Variants in RUNX1T1 observed in about 807,000 individuals in gnomAD.
RUNX1T1 encodes the protein RUNX1 partner transcriptional co-repressor 1.
RUNX1T1 carries 4 observed loss-of-function variants against 62.8 expected under a neutral mutation model. That is an observed-to-expected ratio of 0.06 (90% CI 0.03 to 0.15). The LOEUF is 0.15. RUNX1T1 is among the 10% of genes least tolerant of loss of function. The pLI is 1.00. For missense variants in RUNX1T1, 508 were observed against 754.3 expected (o/e 0.67, Z 3.82); for synonymous variants, 291 against 286.0 (o/e 1.02, Z -0.18).
chr8:91,997,884 T>A (rs1442506460), intron 5 of RUNX1T1, among the ~76,000 whole-genome samples: 1 of 152,226 alleles, frequency 6.6e-6, no homozygotes, highest in African/African-American at 2.4e-5. Flanking sequence ...AGACCAGGCA[T>A]TGAAGACTTA....
At chr8:92,040,202 C>T (rs1828184955) in intron 1 of RUNX1T1, among the ~76,000 whole-genome samples, 2 of 152,190 alleles carry the variant, frequency 1.3e-5, no homozygotes, top group Admixed American at 1.3e-4. Context: ...TGCCACCTCT[C>T]CCATGAAGGC....
intron 1 of RUNX1T1, among the ~76,000 whole-genome samples, chr8:92,025,313 TAG>T (rs1423787946): frequency 6.6e-6 from 1 of 152,208 alleles, no homozygotes; most frequent in Non-Finnish European, 1.5e-5. Context: ...TAACAGGACA[TAG>T]AAAGACCTTT....
rs1813809289 is a variant in RUNX1T1 at position 91,975,839 on chromosome 8, A to G, written c.1267+66T>C. 5.7e-6 allele frequency: 6 copies of G among 1,044,088 alleles called. 1 individual carries two copies. The South Asian group carries it at 7.7e-5, about 13-fold the overall frequency. 64.7% of individuals were successfully genotyped at this position (1,044,088 alleles called of 1,614,324 possible). On this transcript the variant is annotated intron_variant, in intron 9 of 10. Coordinates refer to ENST00000396218, the Ensembl canonical transcript of RUNX1T1. ...AAAGTCCTTTCTTGTCATTCCTCAC[A>G]TCACTACATTAACAACTGCACACAG...
chr8:92,006,226 C>T (rs1232958960), intron 4 of RUNX1T1: 6 of 152,142 alleles, frequency 3.9e-5, no homozygotes, highest in Non-Finnish European at 8.8e-5. Context: ...CTTACTTTGA[C>T]ATTATAAATC....
At chr8:92,100,052 G>T (rs570912010), upstream of RUNX1T1, among the ~76,000 whole-genome samples, 5 of 152,124 alleles carry the variant, frequency 3.3e-5, no homozygotes, top group African/African-American at 7.2e-5. Context: ...AAAGAAAATT[G>T]TGCAAATATT....
exon 1 of RUNX1T1, chr8:92,062,617 T>C (rs1290136708): frequency 3.7e-6 from 6 of 1,614,054 alleles, no homozygotes; most frequent in Middle Eastern, 1.6e-4. Flanking sequence ...TCCGGGCTCA[T>C]GCCTCCTGTT....
chr8:92,005,331 T>C (rs561516392), intron 4 of RUNX1T1, 34 bp from the exon 6 acceptor site: 1 of 1,592,872 alleles, frequency 6.3e-7, no homozygotes, highest in Non-Finnish European at 8.6e-7. Flanking sequence ...GAGGACGGAC[T>C]GAAAGTTTTC....
intron 5 of RUNX1T1, among the ~76,000 whole-genome samples, chr8:91,995,641 G>A (rs2130921985): frequency 6.6e-6 from 1 of 152,164 alleles, no homozygotes; most frequent in South Asian, 2.1e-4. Flanking sequence ...CAAAAAGTTG[G>A]CTGGACATGG....
chr8:91,976,153 A>G (rs1813894201), intron 8 of RUNX1T1, 180 bp from the exon 10 acceptor site: 2 of 552,802 alleles, frequency 3.6e-6, no homozygotes. Flanking sequence ...GCCTGTCATC[A>G]GAGCCCAAGG....
intron 5 of RUNX1T1, among the ~76,000 whole-genome samples, chr8:91,993,569 C>A (rs945336151): frequency 3.3e-5 from 5 of 152,106 alleles, no homozygotes; most frequent in Non-Finnish European, 7.4e-5. Flanking sequence ...TGATAGGAAA[C>A]AACATTTGTA....
At chr8:92,047,527 T>G (rs1293362665) in intron 1 of RUNX1T1, among the ~76,000 whole-genome samples, 1 of 152,126 alleles carries the variant, frequency 6.6e-6, no homozygotes, top group African/African-American at 2.4e-5. Context: ...TACACTAGAA[T>G]GTAAGTTCTA....
At chr8:92,003,175 T>A in intron 5 of RUNX1T1, 1 of 283,262 alleles carries the variant, frequency 3.5e-6, no homozygotes, top group African/African-American at 2.2e-5. Flanking sequence ...TTTAGGAGAG[T>A]TCTACCTGAC....
intron 6 of RUNX1T1, among the ~76,000 whole-genome samples, chr8:91,988,918 T>TA (rs2130852241): frequency 6.6e-6 from 1 of 152,292 alleles, no homozygotes; most frequent in South Asian, 2.1e-4. Flanking sequence ...AAATAAAAAA[T>TA]AAATCAAGAT....
rs530510679 is a variant in RUNX1T1 at position 92,089,619 on chromosome 8, T to C, written c.-86+9961A>G. ...CCCCTAGGCGCTGAGTTCATCATCTTGTCCAGTAACTATGAGGCGAAAGCA... is the reference window on the plus strand; with the variant it reads ...CCCCTAGGCGCTGAGTTCATCATCTCGTCCAGTAACTATGAGGCGAAAGCA... On this transcript the variant is annotated intron_variant, in intron 1 of 11. Coordinates refer to the RUNX1T1 transcript ENST00000265814. Among the ~76,000 whole-genome samples, 8 of 152,256 alleles carry C rather than the reference T, an allele frequency of 5.3e-5. No homozygotes were observed. The East Asian group carries it at 1.5e-3, about 29-fold the overall frequency.
At chr8:92,091,128 C>T (rs986773860) in intron 1 of RUNX1T1, among the ~76,000 whole-genome samples, 3 of 152,158 alleles carry the variant, frequency 2.0e-5, no homozygotes, top group Non-Finnish European at 4.4e-5. Context: ...TTGCTGGAGA[C>T]ACAACGGGAA....
intron 1 of RUNX1T1, among the ~76,000 whole-genome samples, chr8:92,032,199 T>C (rs759257269): frequency 9.2e-5 from 9 of 97,492 alleles, no homozygotes; most frequent in Admixed American, 1.9e-4. Flanking sequence ...AAAAAAAAAA[T>C]AGAAAAAATA....
At chr8:91,986,847 C>G in intron 7 of RUNX1T1, 40 bp downstream of exon 8, 1 of 1,341,974 alleles carries the variant, frequency 7.5e-7, no homozygotes, top group Non-Finnish European at 1.1e-6. Flanking sequence ...CAGTTGTTTT[C>G]CAAACATTTT....
intron 1 of RUNX1T1, among the ~76,000 whole-genome samples, chr8:92,081,774 G>A (rs1263002116): frequency 6.6e-6 from 1 of 152,072 alleles, no homozygotes; most frequent in African/African-American, 2.4e-5. Context: ...GCATGGCCTG[G>A]TTGCTGCTGC....
intron 1 of RUNX1T1, among the ~76,000 whole-genome samples, chr8:92,079,207 CCTT>C: frequency 6.6e-6 from 1 of 152,176 alleles, no homozygotes; most frequent in Non-Finnish European, 1.5e-5. Flanking sequence ...TTGAATCAAA[CCTT>C]AACTCTAACT....
Sources: allele counts gnomAD v4.1 joint callset (sites outside exome capture counted in the v4.1 genomes callset), GRCh38; gene constraint gnomAD v4.1.1; transcripts MANE v1.5; gene names NCBI Gene and HGNC (gene_info 2026-07-23, HGNC 2026-07-21).